Variants in ZNF596 observed in about 807,000 individuals in gnomAD.
ZNF596 encodes zinc finger protein 596.
ZNF596 carries 45 observed loss-of-function variants against 48.3 expected under a neutral mutation model. The ratio of observed to expected loss-of-function variants is 0.93; its 90% CI spans 0.73 to 1.19. The LOEUF is 1.19. ZNF596 is among the 50% of genes most tolerant of loss of function. ZNF596 has a pLI of 0.00. For synonymous variants in ZNF596, 270 were observed against 202.0 expected, an observed-to-expected ratio of 1.34 and a Z score of -2.85; for missense variants, 848 against 599.7, an observed-to-expected ratio of 1.41 and a Z score of -4.32.
intron 4 of ZNF596, 104 bp from the exon 5 acceptor site, chr8:244,515 C>G (rs1039189858): frequency 9.4e-6 from 7 of 744,090 alleles, no homozygotes; most frequent in Non-Finnish European, 1.4e-5. Context: ...CATTCTTTCC[C>G]TGTCTGTGTG....
intron 1 of ZNF596, among the ~76,000 whole-genome samples, chr8:238,577 G>T (rs1279466238): frequency 7.6e-6 from 1 of 131,734 alleles, no homozygotes; most frequent in Non-Finnish European, 1.5e-5. Context: ...GAGGTAGGCA[G>T]ATCATTTGAG....
At position 245,318 on chromosome 8, in the gene ZNF596, C is replaced by T; in HGVS notation, c.471C>T (p.His157=). ...IFSDWLSFNQ[H]KEIHTKCKSY... The stretch of plus-strand genomic sequence containing the variant: ...GTGACTGGTTATCCTTTAATCAACA[C>T]AAGGAAATTCACACCAAATGTAAAT... Residue 157 remains histidine (H), a synonymous_variant, in exon 6 of 6, where the codon CAC becomes CAT. Coordinates refer to ENST00000398612, the MANE Select transcript of ZNF596 (RefSeq NM_001042416.3). 1 of 1,614,060 alleles carries T rather than the reference C, an allele frequency of 6.2e-7. No individual in the cohort carries two copies.
intron 1 of ZNF596, among the ~76,000 whole-genome samples, chr8:235,608 T>C (rs1796586718): frequency 6.6e-6 from 1 of 152,200 alleles, no homozygotes; most frequent in South Asian, 2.1e-4. Context: ...ATGAAACTCA[T>C]TTTTGATGTA....
chr8:232,949 C>A (rs3008280), intron 1 of ZNF596: 107,532 of 460,482 alleles, frequency 0.23, 13,208 homozygotes, highest in African/African-American at 0.36. Context: ...AATCGCCTCC[C>A]ACTAGCGGTG....
chr8:239,601 T>C (rs527609485), intron 1 of ZNF596, among the ~76,000 whole-genome samples: 46 of 152,294 alleles, frequency 3.0e-4, no homozygotes, highest in Middle Eastern at 3.4e-3. Context: ...AAATATTACA[T>C]ATGAACAGCC....
In ZNF596 at chr8:236,965, A is replaced by G. The variant is rs192089908; in HGVS notation, c.-72-3859A>G. Reference sequence around the variant, plus strand: ...TCCTTCAAAATAACTTAGGTTACAAAGGAACTAGAAGTGATTTCACATGTA... The same window carrying G: ...TCCTTCAAAATAACTTAGGTTACAAGGGAACTAGAAGTGATTTCACATGTA... On this transcript the variant is annotated intron_variant, in intron 1 of 5. Coordinates refer to ENST00000398612, the MANE Select transcript of ZNF596 (RefSeq NM_001042416.3). The G allele has an allele frequency of 3.3e-5, 5 of 152,358 alleles. No homozygotes were observed. In the East Asian group the frequency reaches 9.6e-4, roughly 29 times the overall value. 9.4% of individuals were successfully genotyped at this position (152,358 alleles called of 1,614,324 possible).
rs1378779170 is a variant in ZNF596 at position 246,202 on chromosome 8, G to A, written c.1355G>A (p.Cys452Tyr). Residue 452 changes from cysteine to tyrosine, a missense_variant, in exon 6 of 6, where the codon TGT becomes TAT. Transcript: ENST00000398612. ...TGEKPYECNI[C>Y]GKAFNRSYNF... is the part of the protein sequence containing the mutation. ...GAGAAACCATATGAATGCAATATAT[G>A]TGGTAAAGCCTTCAATAGAAGTTAC... 3 of 1,614,170 alleles carry A rather than the reference G, an allele frequency of 1.9e-6. No individual in the cohort carries two copies. The South Asian group carries it at 3.3e-5, about 18-fold the overall frequency.
At position 235,495 on chromosome 8, in the gene ZNF596, T is replaced by A. The variant is rs1158617217; in HGVS notation, c.-73+2801T>A. On this transcript the variant is annotated intron_variant, in intron 1 of 5. Coordinates refer to ENST00000398612, the MANE Select transcript of ZNF596 (RefSeq NM_001042416.3). ...GTATGTATGTTTTTTTTTTTTAGAT[T>A]TGGATAAAATGACAACTCATTGTTA... 6.6e-5 allele frequency among the ~76,000 whole-genome samples: 10 copies of A among 152,282 alleles called. No individual in the cohort carries two copies. In the South Asian group the frequency reaches 1.5e-3, roughly 22 times the overall value.
At chr8:242,035 C>T (rs28416386) in intron 2 of ZNF596, among the ~76,000 whole-genome samples, 15,377 of 152,206 alleles carry the variant, frequency 0.1, 987 homozygotes, top group East Asian at 0.31. Context: ...GGACCCCTCC[C>T]CCAACATGTG....
In ZNF596 at chr8:243,756, A is replaced by T; in HGVS notation, c.174A>T (p.Gln58His). Reference sequence around the variant, plus strand: ...TCTGCAAATCAGTTGTGCTTTCCCAATTGGAGCAAGTAGAGAAACTTTCAA... The same window carrying T: ...TCTGCAAATCAGTTGTGCTTTCCCATTTGGAGCAAGTAGAGAAACTTTCAA... ...KQLCKSVVLS[Q>H]LEQVEKLSTQ... Residue 58 changes from glutamine to histidine, a missense_variant, in exon 4 of 6, where the codon CAA becomes CAT. Gln to His is a conservative substitution (Grantham distance 24). Coordinates refer to ENST00000398612, the MANE Select transcript of ZNF596 (RefSeq NM_001042416.3). 1 of 1,613,828 alleles carries T rather than the reference A, an allele frequency of 6.2e-7. No individual in the cohort carries two copies. Among genetic ancestry groups the T allele is most frequent in the African/African-American group, 1.3e-5 (1 of 75,036 alleles).
intron 3 of ZNF596, 28 bp downstream of exon 3, chr8:243,041 G>A (rs371246799): frequency 5.7e-6 from 9 of 1,574,844 alleles, no homozygotes; most frequent in Non-Finnish European, 6.9e-6. Flanking sequence ...TATTATGTAT[G>A]TATATACGGA....
In ZNF596 at chr8:245,309, T is replaced by C; in HGVS notation, c.462T>C (p.Phe154=). The change falls in exon 6 of 6, where the codon TTT becomes TTC. Residue 154 remains phenylalanine, a synonymous_variant. Coordinates refer to ENST00000398612, the MANE Select transcript of ZNF596 (RefSeq NM_001042416.3). ...AAATCTTCAGTGACTGGTTATCCTTTAATCAACACAAGGAAATTCACACCA... is the reference window on the plus strand; with the variant it reads ...AAATCTTCAGTGACTGGTTATCCTTCAATCAACACAAGGAAATTCACACCA... ...FGKIFSDWLS[F]NQHKEIHTKC... is the part of the protein sequence containing the mutation. 1 of 1,614,146 alleles carries C rather than the reference T, an allele frequency of 6.2e-7. No homozygotes were observed. Among genetic ancestry groups the C allele is most frequent in the Non-Finnish European group, 8.5e-7 (1 of 1,180,016 alleles).
intron 2 of ZNF596, among the ~76,000 whole-genome samples, chr8:242,318 C>T (rs1408899349): frequency 6.8e-6 from 1 of 147,380 alleles, no homozygotes; most frequent in Non-Finnish European, 1.5e-5. Flanking sequence ...GTTCACACAA[C>T]TGAGTGTTCT....
chr8:236,754 C>T (rs145576700), intron 1 of ZNF596, among the ~76,000 whole-genome samples: 1 of 152,218 alleles, frequency 6.6e-6, no homozygotes, highest in African/African-American at 2.4e-5. Context: ...CTTTACCATG[C>T]TCTGTCATTA....
chr8:246,248 A>G lies in ZNF596; in HGVS notation c.1401A>G (p.Arg467=). 2 of 1,612,460 alleles carry G rather than the reference A, an allele frequency of 1.2e-6. No homozygotes were observed. The highest frequency in any genetic ancestry group is 1.1e-5 in the South Asian group (1 of 90,856). Residue 467 remains arginine, a synonymous_variant, in exon 6 of 6, where the codon AGA becomes AGG. Transcript: ENST00000398612. The part of the protein sequence containing the change: ...NRSYNFRLHR[R]VHTGEKPYVC... ...GTTACAACTTTAGACTTCATAGAAG[A>G]GTTCACACTGGAGAGAAACCATATG...
chr8:240,649 T>A, intron 1 of ZNF596, 175 bp from the exon 2 acceptor site: 1 of 517,252 alleles, frequency 1.9e-6, no homozygotes, highest in Non-Finnish European at 3.4e-6. Context: ...TATATCTTTA[T>A]TAGCAGCAAT....
In ZNF596 at chr8:246,179, G is replaced by A. The variant is rs1184375810; in HGVS notation, c.1332G>A (p.Glu444=). The change falls in exon 6 of 6, where the codon GAG becomes GAA. Residue 444 remains glutamate, a synonymous_variant. Coordinates refer to ENST00000398612, the MANE Select transcript of ZNF596 (RefSeq NM_001042416.3). ...LRRHERTHTG[E]KPYECNICGK... Reference sequence around the variant, plus strand: ...GACATGAGAGAACTCACACTGGAGAGAAACCATATGAATGCAATATATGTG... The same window carrying A: ...GACATGAGAGAACTCACACTGGAGAAAAACCATATGAATGCAATATATGTG... 6.2e-7 allele frequency: 1 copy of A among 1,614,086 alleles called. No individual in the cohort carries two copies.
At chr8:240,591 T>C (rs1325511005) in intron 1 of ZNF596, 4 of 384,048 alleles carry the variant, frequency 1.0e-5, no homozygotes, top group Non-Finnish European at 1.9e-5. Context: ...CTAGGTGGCA[T>C]ATGAAACTCC....
chr8:239,941 C>G (rs185672712), intron 1 of ZNF596, among the ~76,000 whole-genome samples: 1 of 152,274 alleles, frequency 6.6e-6, no homozygotes, highest in Admixed American at 6.5e-5. Flanking sequence ...AGAAGACACT[C>G]TTATCACCTA....
Sources: gnomAD v4.1 joint callset for allele counts (sites outside exome capture counted in the v4.1 genomes callset) on GRCh38, gnomAD v4.1.1 for gene constraint, MANE v1.5 for transcripts, NCBI Gene and HGNC (gene_info 2026-07-23, HGNC 2026-07-21) for gene names.